The following ASTN2 variants were observed in gnomAD, a reference collection of about 807,000 sequenced individuals.
ASTN2 encodes the protein astrotactin-2.
ASTN2 carries 54 observed loss-of-function variants against 139.8 expected under a neutral mutation model. That is an observed-to-expected ratio of 0.39 (90% confidence interval 0.31 to 0.48). The LOEUF is 0.48. Ranked by LOEUF, ASTN2 falls within the 20% of genes least tolerant of loss-of-function variation. ASTN2 has a pLI of 0.95. For synonymous variants in ASTN2, 756 were observed against 719.5 expected, an observed-to-expected ratio of 1.05 and a Z score of -0.81; for missense variants, 1,565 against 1,725.1, an observed-to-expected ratio of 0.91 and a Z score of 1.64.
chr9:116,582,615 T>C (rs1457291618), intron 19 of ASTN2: 1 of 152,256 alleles, frequency 6.6e-6, no homozygotes, highest in Non-Finnish European at 1.5e-5. Flanking sequence ...TGTTTGTTTA[T>C]TCTTCCATTC....
At chr9:116,495,935 C>T (rs1849655287) in intron 19 of ASTN2, among the ~76,000 whole-genome samples, 2 of 152,122 alleles carry the variant, frequency 1.3e-5, no homozygotes, top group Non-Finnish European at 2.9e-5. Context: ...GACATTCTTC[C>T]TCCTCCTCTA....
At chr9:116,590,587 C>G (rs971558433) in intron 19 of ASTN2, among the ~76,000 whole-genome samples, 2 of 152,188 alleles carry the variant, frequency 1.3e-5, no homozygotes, top group African/African-American at 4.8e-5. Context: ...GGGCAGGTCC[C>G]CAGTGCAGCC....
rs145966507 is a variant in ASTN2 at position 116,857,460 on chromosome 9, C to G, written c.2040+6123G>C. Among the ~76,000 whole-genome samples the G allele has an allele frequency of 4.9e-4, 75 of 152,274 alleles. 1 individual carries two copies. The highest frequency in any genetic ancestry group is 1.8e-3 in the African/African-American group (73 of 41,556). On this transcript the variant is annotated intron_variant, in intron 11 of 22. Coordinates refer to ENST00000313400, the MANE Select transcript of ASTN2 (RefSeq NM_001365068.1). ...TTCTGAAGGGGCTTATAAAACAAGG[C>G]TTAACTCTTGTGGTGTTTTGCTCCT...
intron 7 of ASTN2, among the ~76,000 whole-genome samples, chr9:117,007,587 A>G (rs1310038383): frequency 6.6e-6 from 1 of 152,168 alleles, no homozygotes; most frequent in Non-Finnish European, 1.5e-5. Flanking sequence ...GAGATTTTGC[A>G]TATTTTGATC....
chr9:117,253,557 C>T (rs1833598366), intron 2 of ASTN2, among the ~76,000 whole-genome samples: 1 of 152,178 alleles, frequency 6.6e-6, no homozygotes, highest in African/African-American at 2.4e-5. Flanking sequence ...TTAGTGAGGA[C>T]TTTCTGTGCC....
At chr9:117,090,311 C>T (rs1006517471) in intron 5 of ASTN2, among the ~76,000 whole-genome samples, 8 of 152,120 alleles carry the variant, frequency 5.3e-5, no homozygotes, top group African/African-American at 1.4e-4. Context: ...CCACCAGACA[C>T]GCATATCTTG....
intron 16 of ASTN2, among the ~76,000 whole-genome samples, chr9:116,705,383 A>G (rs919365663): frequency 3.9e-5 from 6 of 152,224 alleles, no homozygotes; most frequent in Admixed American, 2.0e-4. Flanking sequence ...CTGCAACCGC[A>G]AAGGAAAATT....
chr9:117,016,638 A>G (rs1238487873), intron 6 of ASTN2, among the ~76,000 whole-genome samples: 6 of 33,260 alleles, frequency 1.8e-4, no homozygotes, highest in South Asian at 7.7e-4. Context: ...ATATATATAT[A>G]TATATATATA....
chr9:117,403,258 C>T (rs534644710), intron 1 of ASTN2, among the ~76,000 whole-genome samples: 78 of 152,266 alleles, frequency 5.1e-4, no homozygotes, highest in African/African-American at 1.8e-3. Context: ...ACCTACAAAT[C>T]CTGGGAGCCA....
intron 4 of ASTN2, among the ~76,000 whole-genome samples, chr9:117,127,289 A>G (rs1371260476): frequency 6.6e-6 from 1 of 152,248 alleles, no homozygotes; most frequent in Non-Finnish European, 1.5e-5. Flanking sequence ...GTTGCTCCGC[A>G]ACACTGCACT....
intron 13 of ASTN2, among the ~76,000 whole-genome samples, chr9:116,772,885 C>A (rs751589770): frequency 2.0e-4 from 31 of 152,110 alleles, no homozygotes; most frequent in Non-Finnish European, 4.4e-4. Flanking sequence ...ATTCTCATGT[C>A]TGTTGAAAAT....
At chr9:117,235,800 G>A (rs75670160) in intron 2 of ASTN2, among the ~76,000 whole-genome samples, 1,673 of 152,056 alleles carry the variant, frequency 0.011, 36 homozygotes, top group African/African-American at 0.037. Flanking sequence ...GAGTTTATAG[G>A]CAACCCTTTA....
At chr9:116,948,281 T>A (rs2132480871) in intron 10 of ASTN2, among the ~76,000 whole-genome samples, 1 of 152,344 alleles carries the variant, frequency 6.6e-6, no homozygotes, top group South Asian at 2.1e-4. Flanking sequence ...TCTTTCCTCA[T>A]CAAACATTAA....
intron 17 of ASTN2, among the ~76,000 whole-genome samples, chr9:116,624,247 T>C (rs1467318536): frequency 1.3e-5 from 2 of 152,222 alleles, no homozygotes; most frequent in Admixed American, 1.3e-4. Context: ...GATTCCTCGT[T>C]CTTAACCTCA....
At chr9:116,565,431 T>TATA (rs1853180208) in intron 19 of ASTN2, among the ~76,000 whole-genome samples, 18 of 117,800 alleles carry the variant, frequency 1.5e-4, no homozygotes, top group South Asian at 2.7e-4. Context: ...ATATATATAT[T>TATA]TATTTATTTA....
intron 3 of ASTN2, among the ~76,000 whole-genome samples, chr9:117,142,238 A>T (rs1449509214): frequency 2.6e-5 from 4 of 152,172 alleles, no homozygotes; most frequent in Admixed American, 2.6e-4. Flanking sequence ...TTAAACAGAA[A>T]ATCTATGTGT....
chr9:117,248,005 C>CAA (rs571969294), intron 2 of ASTN2, among the ~76,000 whole-genome samples: 377 of 152,314 alleles, frequency 2.5e-3, no homozygotes, highest in African/African-American at 8.6e-3. Context: ...CTCCAACAGA[C>CAA]AATGAAAATG....
Position 116,976,191 on chromosome 9 carries a change from A to G in ASTN2, c.1677-3T>C, listed in dbSNP as rs1464398419. The G allele has an allele frequency of 6.2e-7, 1 of 1,611,370 alleles. No homozygotes were observed. The highest frequency in any genetic ancestry group is 1.3e-5 in the African/African-American group (1 of 74,178). On this transcript the variant is annotated splice_region_variant and splice_polypyrimidine_tract_variant and intron_variant, in intron 8 of 22. Transcript: ENST00000313400. The stretch of plus-strand genomic sequence containing the variant: ...CAAGTGTCGTGTAGGGCCAAGGTCT[A>G]TGGGAAGAAGGAGAGGGGAGAGAAG...
At chr9:117,350,659 G>T (rs558180349) in intron 1 of ASTN2, among the ~76,000 whole-genome samples, 12 of 152,272 alleles carry the variant, frequency 7.9e-5, no homozygotes, top group African/African-American at 2.9e-4. Flanking sequence ...GAGAAAATGT[G>T]CTCAGAGCAC....
Sources: gnomAD v4.1 joint callset for allele counts (sites outside exome capture counted in the v4.1 genomes callset) on GRCh38, gnomAD v4.1.1 for gene constraint, MANE v1.5 for transcripts, NCBI Gene and HGNC (gene_info 2026-07-23, HGNC 2026-07-21) for gene names.